Variants in HAS1 observed in about 807,000 individuals in gnomAD.
The protein encoded by HAS1 is HA synthase 1.
In HAS1, 27 loss-of-function variants were observed where a neutral mutation model predicts 35.0. The observed-to-expected ratio is 0.77, with a 90% CI of 0.57 to 1.06. HAS1 has a LOEUF of 1.06. Among genes scored for constraint, HAS1 ranks in the 50% least tolerant of loss-of-function variants. HAS1 has a pLI of 0.00. For synonymous variants in HAS1, 409 were observed against 371.2 expected, an observed-to-expected ratio of 1.10 and a Z score of -1.17; for missense variants, 940 against 814.8, an observed-to-expected ratio of 1.15 and a Z score of -1.87.
At chr19:51,721,538 G>A (rs2083631782) in intron 1 of HAS1, among the ~76,000 whole-genome samples, 2 of 152,138 alleles carry the variant, frequency 1.3e-5, no homozygotes, top group Non-Finnish European at 2.9e-5. Context: ...AGCACTTTGG[G>A]AGGCGGAGGC....
rs767651246 is a variant in HAS1 at position 51,713,728 on chromosome 19, G to T, written c.1433C>A (p.Ala478Glu). ...MCGLLPAKFL[A>E]LVTMNQSGWG... The stretch of plus-strand genomic sequence containing the variant: ...GCCACTCTGGTTCATGGTGACTAGC[G>T]CCAGGAACTTGGCAGGCAGGAGGCC... The change falls in exon 5 of 5, where the codon GCG becomes GAG. Residue 478 changes from alanine to glutamate, a missense_variant. Coordinates refer to ENST00000540069, the MANE Select transcript of HAS1 (RefSeq NM_001297436.2). This position sits in a 1 kb window ranked among gnomAD's most constrained non-coding sequence, Gnocchi z 4.5. 2 of 1,607,126 alleles carry T rather than the reference G, an allele frequency of 1.2e-6. No homozygotes were observed. Among genetic ancestry groups the T allele is most frequent in the African/African-American group, 1.3e-5 (1 of 74,870 alleles).
chr19:51,722,484 T>G (rs1288322993), intron 1 of HAS1, among the ~76,000 whole-genome samples: 3 of 152,216 alleles, frequency 2.0e-5, no homozygotes, highest in Admixed American at 6.5e-5. Context: ...TATGTATTGA[T>G]TACATATTGA....
intron 4 of HAS1, among the ~76,000 whole-genome samples, chr19:51,715,724 GT>G (rs1332578160): frequency 1.3e-5 from 2 of 152,144 alleles, no homozygotes; most frequent in Non-Finnish European, 2.9e-5. Context: ...ACTTCACTTG[GT>G]CTAGATCATC....
intron 4 of HAS1, 77 bp downstream of exon 4, chr19:51,716,179 G>T (rs1413981594): frequency 3.1e-6 from 4 of 1,272,800 alleles, no homozygotes; most frequent in Non-Finnish European, 4.4e-6. Flanking sequence ...TGGATTTGGA[G>T]AACTCTCAGC....
chr19:51,722,825 C>G (rs535722256), intron 1 of HAS1, among the ~76,000 whole-genome samples: 1 of 152,216 alleles, frequency 6.6e-6, no homozygotes, highest in East Asian at 1.9e-4. Flanking sequence ...GTGCTGGCCC[C>G]TGACACACTG....
Position 51,715,454 on chromosome 19 carries a change from C to A in HAS1, c.1058+802G>T, listed in dbSNP as rs138017482. Among the ~76,000 whole-genome samples, 538 of 152,266 alleles carry A rather than the reference C, an allele frequency of 3.5e-3. 1 individual carries two copies. Among genetic ancestry groups the A allele is most frequent in the African/African-American group, 0.012 (506 of 41,550 alleles). On this transcript the variant is annotated intron_variant, in intron 4 of 4. Transcript: ENST00000540069. ...AACCCCAAAACTTCCTATCCACCAC[C>A]CTTGCCCGGCATTATTTATCTCCAT...
At chr19:51,714,284 T>C in intron 4 of HAS1, 182 bp from the exon 5 acceptor site, 4 of 999,128 alleles carry the variant, frequency 4.0e-6, no homozygotes, top group Non-Finnish European at 5.8e-6. Flanking sequence ...ACGCGGTGGC[T>C]CACTCCTGTA....
rs1357063563 is a variant in HAS1 at position 51,713,319 on chromosome 19, G to A, written c.*108C>T. The A allele has an allele frequency of 5.4e-6, 6 of 1,112,636 alleles. No individual in the cohort carries two copies. In the African/African-American group the frequency reaches 9.7e-5, roughly 18 times the overall value. The allele number at this position is 1,112,636 out of a possible 1,614,324, so 68.9% of individuals were successfully genotyped here. On this transcript the variant is annotated 3_prime_UTR_variant, in exon 5 of 5. Transcript: ENST00000540069. This position sits in a 1 kb window ranked among gnomAD's most constrained non-coding sequence, Gnocchi z 4.5. Reference sequence around the variant, plus strand: ...GCTGACCCCCTCGTTTTGCAGAGGAGGGAAACTGAGGCCCAGAGAACCACC... The same window carrying A: ...GCTGACCCCCTCGTTTTGCAGAGGAAGGAAACTGAGGCCCAGAGAACCACC...
At chr19:51,717,419 G>T (rs751138514) in intron 2 of HAS1, among the ~76,000 whole-genome samples, 8 of 152,144 alleles carry the variant, frequency 5.3e-5, no homozygotes, top group Non-Finnish European at 7.4e-5. Flanking sequence ...CATCTCCTCT[G>T]GTGTGTGAGT....
chr19:51,720,602 C>T (rs2083625169), intron 1 of HAS1, among the ~76,000 whole-genome samples: 1 of 151,988 alleles, frequency 6.6e-6, no homozygotes, highest in Non-Finnish European at 1.5e-5. Flanking sequence ...TGGCGATTCT[C>T]TCACCTCAGT....
intron 1 of HAS1, 145 bp downstream of exon 1, chr19:51,723,780 A>G: frequency 3.7e-6 from 3 of 801,978 alleles, no homozygotes; most frequent in Middle Eastern, 3.7e-4. Flanking sequence ...CTACACACAT[A>G]TGGTCACTGT....
intron 1 of HAS1, 34 bp downstream of exon 1, chr19:51,723,891 A>ACACACACACACAC (rs1207786844): frequency 7.2e-7 from 1 of 1,384,446 alleles, no homozygotes; most frequent in South Asian, 1.3e-5. Flanking sequence ...GTATACACAC[A>ACACACACACACAC]CACACACACA....
chr19:51,722,721 C>T (rs1281566149), intron 1 of HAS1, among the ~76,000 whole-genome samples: 1 of 152,170 alleles, frequency 6.6e-6, no homozygotes, highest in Non-Finnish European at 1.5e-5. Context: ...GCTGATTCTA[C>T]ATTTACCACA....
At position 51,719,331 on chromosome 19, in the gene HAS1, G is replaced by A; in HGVS notation, c.574C>T (p.Arg192Trp). Residue 192 changes from arginine (R) to tryptophan (W), a missense_variant, in exon 2 of 5, where the codon CGG becomes TGG. Arg to Trp is a moderately radical substitution (Grantham distance 101, BLOSUM62 -3). Coordinates refer to ENST00000540069, the MANE Select transcript of HAS1 (RefSeq NM_001297436.2). ...YREVEAEDPG[R>W]LAVEALVRTR... ...CTCACCAGCGCCTCCACTGCCAGCC[G>A]CCCAGGATCCTCCGCCTCCACCTCC... The A allele has an allele frequency of 2.5e-6, 4 of 1,611,776 alleles. No homozygotes were observed. Among genetic ancestry groups the A allele is most frequent in the Non-Finnish European group, 3.4e-6 (4 of 1,179,036 alleles).
rs2083552682 is a variant in HAS1 at position 51,713,306 on chromosome 19, G to A, written c.*121C>T. On this transcript the variant is annotated 3_prime_UTR_variant, in exon 5 of 5. Transcript: ENST00000540069. This position sits in a 1 kb window ranked among gnomAD's most constrained non-coding sequence, Gnocchi z 4.5. ...TGAAGAATCTTGGGCTGACCCCCTCGTTTTGCAGAGGAGGGAAACTGAGGC... is the reference window on the plus strand; with the variant it reads ...TGAAGAATCTTGGGCTGACCCCCTCATTTTGCAGAGGAGGGAAACTGAGGC... 14 of 974,776 alleles carry A rather than the reference G, an allele frequency of 1.4e-5. 1 individual carries two copies. The East Asian group carries it at 4.0e-4, about 28-fold the overall frequency. The allele number at this position is 974,776 out of a possible 1,614,324, so 60.4% of individuals were successfully genotyped here.
At chr19:51,715,427 C>T (rs908846041) in intron 4 of HAS1, among the ~76,000 whole-genome samples, 1 of 152,134 alleles carries the variant, frequency 6.6e-6, no homozygotes, top group Non-Finnish European at 1.5e-5. Context: ...CACTTCACCC[C>T]CAACCCCAAA....
At position 51,719,212 on chromosome 19, in the gene HAS1, G is replaced by T. The variant is rs774926345; in HGVS notation, c.693C>A (p.Tyr231Ter). 2 of 1,562,296 alleles carry T rather than the reference G, an allele frequency of 1.3e-6. No homozygotes were observed. The highest frequency in any genetic ancestry group is 2.8e-5 in the African/African-American group (2 of 72,442). Residue 231 changes from tyrosine (Y) to a stop codon, truncating the protein, a stop_gained, in exon 2 of 5, where the codon TAC becomes TAA. Coordinates refer to ENST00000540069, the MANE Select transcript of HAS1 (RefSeq NM_001297436.2). LOFTEE classifies it high-confidence loss of function. ...AFKALGDSVDYVQVCDSDTRL... is the reference protein window; with the variant it reads ...AFKALGDSVD ...TGAAGGCGCCTCTACTCACCTGCAC[G>T]TAGTCCACCGAATCTCCGAGCGCCT... is the stretch of plus-strand genomic sequence containing the variant.
In HAS1 at chr19:51,719,875, A is replaced by C; in HGVS notation, c.30T>G (p.Pro10=). ...CCAGGCCGGAGCAGCGGCAGGCTGC[A>C]GGAGTGGGCTTGGGCGCGTCCTGCT... The part of the protein sequence containing the change: MRQDAPKPT[P]AACRCSGLAR... Residue 10 remains proline, a synonymous_variant, in exon 2 of 5, where the codon CCT becomes CCG. Coordinates refer to ENST00000540069, the MANE Select transcript of HAS1 (RefSeq NM_001297436.2). The C allele has an allele frequency of 6.5e-7, 1 of 1,538,732 alleles. No individual in the cohort carries two copies. The highest frequency in any genetic ancestry group is 1.2e-5 in the South Asian group (1 of 83,906).
chr19:51,717,730 C>A (rs1023542806), intron 2 of HAS1, among the ~76,000 whole-genome samples: 1 of 152,162 alleles, frequency 6.6e-6, no homozygotes, highest in Admixed American at 6.6e-5. Flanking sequence ...CCAACAAATA[C>A]ATACGCTTGA....
Sources: gnomAD v4.1 joint callset for allele counts (sites outside exome capture counted in the v4.1 genomes callset) on GRCh38, gnomAD v4.1.1 for gene constraint, Gnocchi (gnomAD v3.1) non-coding constraint, MANE v1.5 for transcripts, NCBI Gene and HGNC (gene_info 2026-07-23, HGNC 2026-07-21) for gene names.